TAL1: variants seen among roughly 807,000 people sequenced by gnomAD.
The protein encoded by TAL1 is TAL bHLH transcription factor 1, erythroid differentiation factor, also known as T-cell acute lymphocytic leukemia protein 1.
TAL1 carries 8 observed loss-of-function variants against 17.9 expected under a neutral mutation model. The observed-to-expected ratio is 0.45, with a 90% confidence interval of 0.26 to 0.81. The LOEUF is 0.81. TAL1 is among the 30% of genes least tolerant of loss of function. TAL1 has a pLI of 0.17. For synonymous variants in TAL1, 223 were observed against 218.6 expected, an observed-to-expected ratio of 1.02 and a Z score of -0.18; for missense variants, 466 against 486.9, an observed-to-expected ratio of 0.96 and a Z score of 0.40.
At chr1:47,225,068 G>A (rs1484668995) in intron 2 of TAL1, among the ~76,000 whole-genome samples, 1 of 151,796 alleles carries the variant, frequency 6.6e-6, no homozygotes, top group Non-Finnish European at 1.5e-5. Flanking sequence ...AGCACATGCA[G>A]GCACACTCTT....
chr1:47,231,536 C>T, upstream of TAL1: 1 of 234,016 alleles, frequency 4.3e-6, no homozygotes, highest in Non-Finnish European at 8.4e-6. Context: ...CAGGACACAA[C>T]GAAATCAGTC....
chr1:47,219,979 T>C, exon 4 of TAL1: 2 of 1,511,900 alleles, frequency 1.3e-6, no homozygotes, highest in Non-Finnish European at 1.8e-6. Context: ...CTCCTCCTCC[T>C]GGTCATTGAG....
rs539277429 is a variant in TAL1, at chr1:47,225,412, A to AGCCCCTGGCCCCTG, written c.446+17_446+30dup. The AGCCCCTGGCCCCTG allele has an allele frequency of 3.6e-4, 435 of 1,220,924 alleles. No homozygotes were observed. In the Middle Eastern group the frequency reaches 4.1e-3, roughly 11 times the overall value. 75.6% of individuals were successfully genotyped at this position (1,220,924 alleles called of 1,614,324 possible). A position where few individuals can be genotyped will look rare whatever the true frequency, so the allele number is the denominator to read the frequency against. On this transcript the variant is annotated intron_variant, in intron 2 of 3. Coordinates refer to ENST00000294339, the Ensembl canonical transcript of TAL1. ...GGGTGGTCGCCCTGCCCACCCGCCC[A>AGCCCCTGGCCCCTG]GCCCCTGGCCCCTGGCCCCTGGCCC...
intron 3 of TAL1, among the ~76,000 whole-genome samples, chr1:47,221,677 CAG>C (rs1172054478): frequency 6.6e-6 from 1 of 152,194 alleles, no homozygotes; most frequent in African/African-American, 2.4e-5. Context: ...AACCAGACCT[CAG>C]AGTGTGAAAA....
chr1:47,219,546 A>C, exon 4 of TAL1: 1 of 1,059,258 alleles, frequency 9.4e-7, no homozygotes, highest in South Asian at 1.4e-5. Context: ...GGTACAGGAA[A>C]CAGAAAAGCC....
upstream of TAL1, chr1:47,230,054 A>C (rs1365764094): frequency 3.3e-5 from 5 of 152,298 alleles, no homozygotes; most frequent in African/African-American, 1.2e-4. Flanking sequence ...AGACAGAAAA[A>C]GAAAAGGAAA....
At position 47,218,601 on chromosome 1, in the gene TAL1, T is replaced by C. The variant is rs116299558; in HGVS notation, c.*1119A>G. On this transcript the variant is annotated 3_prime_UTR_variant, in exon 4 of 4. Coordinates refer to ENST00000294339, the Ensembl canonical transcript of TAL1. ...GTCTTAGCCAGGGCCTGGTCTCTGATTGGATTTCCCATACCCTAGAAGTGA... is the reference window on the plus strand; with the variant it reads ...GTCTTAGCCAGGGCCTGGTCTCTGACTGGATTTCCCATACCCTAGAAGTGA... 9.1e-3 allele frequency: 2,123 copies of C among 232,954 alleles called. 48 individuals carry two copies. The highest frequency in any genetic ancestry group is 0.043 in the African/African-American group (1,934 of 45,440). 14.4% of individuals were successfully genotyped at this position (232,954 alleles called of 1,614,324 possible).
chr1:47,222,773 A>T (rs1049844175), intron 3 of TAL1, among the ~76,000 whole-genome samples: 4 of 151,816 alleles, frequency 2.6e-5, no homozygotes, highest in Non-Finnish European at 5.9e-5. Flanking sequence ...GTGCTCGGTA[A>T]ATATTGCCAA....
rs1217550411 is a variant in TAL1 at position 47,220,740 on chromosome 1, T to C, written c.542-566A>G. ...GCCTCAGCTTAGCAGTCAATAAATGTTAGCTATTATTATCCATGTATCAGT... is the reference window on the plus strand; with the variant it reads ...GCCTCAGCTTAGCAGTCAATAAATGCTAGCTATTATTATCCATGTATCAGT... On this transcript the variant is annotated intron_variant, in intron 3 of 3. Coordinates refer to ENST00000294339, the Ensembl canonical transcript of TAL1. Among the ~76,000 whole-genome samples the C allele has an allele frequency of 2.6e-5, 4 of 152,328 alleles. No homozygotes were observed. In the East Asian group the frequency reaches 7.7e-4, roughly 29 times the overall value.
chr1:47,227,892 C>T (rs965331099), intron 1 of TAL1: 1 of 152,268 alleles, frequency 6.6e-6, no homozygotes, highest in African/African-American at 2.4e-5. Context: ...CCCTACCTCA[C>T]TGCTCTCCGT....
chr1:47,225,703 G>C (rs113074215), exon 2 of TAL1: 1 of 1,442,194 alleles, frequency 6.9e-7, no homozygotes, highest in South Asian at 1.4e-5. Context: ...CGGCAGGGCC[G>C]CCCCCCGGGC....
chr1:47,226,716 C>T (rs1441949895), intron 1 of TAL1, among the ~76,000 whole-genome samples: 1 of 152,180 alleles, frequency 6.6e-6, no homozygotes, highest in African/African-American at 2.4e-5. Flanking sequence ...TCGTTCTGCT[C>T]AGCTGGACTC....
chr1:47,221,783 C>T (rs1643815793), intron 3 of TAL1, among the ~76,000 whole-genome samples: 2 of 152,206 alleles, frequency 1.3e-5, no homozygotes, highest in Admixed American at 1.3e-4. Context: ...CAGACCTCAC[C>T]TCAGTGGTCA....
chr1:47,226,341 T>G (rs986969956), intron 1 of TAL1: 1 of 157,958 alleles, frequency 6.3e-6, no homozygotes, highest in Admixed American at 6.5e-5. Context: ...GGGGAATCTG[T>G]CAGGCAGGGG....
exon 4 of TAL1, chr1:47,217,871 G>T (rs1042635264): frequency 5.0e-6 from 2 of 397,476 alleles, no homozygotes; most frequent in Non-Finnish European, 8.8e-6. Context: ...TCTTCCAAAC[G>T]TTGGAAAGGA....
At chr1:47,220,566 T>C (rs996375559) in intron 3 of TAL1, among the ~76,000 whole-genome samples, 1 of 152,198 alleles carries the variant, frequency 6.6e-6, no homozygotes, top group Non-Finnish European at 1.5e-5. Flanking sequence ...TGACTACCCC[T>C]ACCTAAATGA....
intron 3 of TAL1, 132 bp downstream of exon 4, chr1:47,223,872 G>C (rs957377033): frequency 7.1e-6 from 6 of 850,118 alleles, no homozygotes; most frequent in Non-Finnish European, 9.7e-6. Context: ...GAAGGGCTTC[G>C]GCAGTTTGGG....
intron 2 of TAL1, among the ~76,000 whole-genome samples, chr1:47,224,715 G>C (rs912282252): frequency 6.6e-6 from 1 of 152,116 alleles, no homozygotes; most frequent in South Asian, 2.1e-4. Flanking sequence ...GCTCTGTCTC[G>C]GGTGCCCGCC....
At chr1:47,224,628 A>C (rs1266457383) in intron 2 of TAL1, among the ~76,000 whole-genome samples, 1 of 151,992 alleles carries the variant, frequency 6.6e-6, no homozygotes. Context: ...GATACACAAC[A>C]GACAGGAAAC....
Sources: allele counts gnomAD v4.1 joint callset (sites outside exome capture counted in the v4.1 genomes callset), GRCh38; gene constraint gnomAD v4.1.1; transcripts MANE v1.5; gene names NCBI Gene and HGNC (gene_info 2026-07-23, HGNC 2026-07-21).